The following LOC128092252 variants were observed in gnomAD, a reference collection of about 807,000 sequenced individuals.
At chr15:50,662,630 A>G in the LOC128092252 span, among the ~76,000 whole-genome samples, 2 of 152,232 alleles carry the variant, frequency 1.3e-5, no homozygotes, top group African/African-American at 4.8e-5. Flanking sequence ...ACACAAATTT[A>G]AGTTCCCAAT....
chr15:50,684,362 C>G, the LOC128092252 span, among the ~76,000 whole-genome samples: 1 of 152,072 alleles, frequency 6.6e-6, no homozygotes, highest in Non-Finnish European at 1.5e-5. Context: ...AGAGTAGAAG[C>G]TGGGCAAAGT....
chr15:50,686,307 T>G, the LOC128092252 span, among the ~76,000 whole-genome samples: 1 of 152,102 alleles, frequency 6.6e-6, no homozygotes, highest in Non-Finnish European at 1.5e-5. Flanking sequence ...GCTCAGGGGA[T>G]TCCCGCGAAG....
chr15:50,652,328 C>CAAAAAAAAAAAAAAAAAAAAAAAAAAAAA, the LOC128092252 span, among the ~76,000 whole-genome samples: 1 of 34,230 alleles, frequency 2.9e-5, no homozygotes, highest in Non-Finnish European at 4.7e-5. Flanking sequence ...GACTCCATCT[C>CAAAAAAAAAAAAAAAAAAAAAAAAAAAAA]AAAAAAAAAA....
At chr15:50,686,614 G>T in the LOC128092252 span, 1 of 1,568,878 alleles carries the variant, frequency 6.4e-7, no homozygotes, top group Non-Finnish European at 8.6e-7. Context: ...ATCGGGAAGC[G>T]TCTCCGGAGG....
At chr15:50,664,981 T>C in the LOC128092252 span, among the ~76,000 whole-genome samples, 2,238 of 152,096 alleles carry the variant, frequency 0.015, 21 homozygotes, top group Non-Finnish European at 0.022. Context: ...AAATAAATAA[T>C]CAGCAGAAAT....
chr15:50,651,425 C>A, the LOC128092252 span, among the ~76,000 whole-genome samples: 1 of 151,014 alleles, frequency 6.6e-6, no homozygotes, highest in Admixed American at 6.6e-5. Context: ...GCGGGTGGAT[C>A]ACGAGGTCAG....
the LOC128092252 span, among the ~76,000 whole-genome samples, chr15:50,684,125 T>C: frequency 6.6e-6 from 1 of 151,522 alleles, no homozygotes; most frequent in East Asian, 1.9e-4. Context: ...TCCCAAAGTA[T>C]GGGGATTACT....
chr15:50,657,288 C>T, the LOC128092252 span, among the ~76,000 whole-genome samples: 1 of 152,154 alleles, frequency 6.6e-6, no homozygotes, highest in African/African-American at 2.4e-5. Flanking sequence ...TGTGCCACTG[C>T]ACTCCAGCCT....
At chr15:50,653,717 T>C in the LOC128092252 span, among the ~76,000 whole-genome samples, 1 of 152,070 alleles carries the variant, frequency 6.6e-6, no homozygotes, top group Non-Finnish European at 1.5e-5. Flanking sequence ...TTGGAATTTG[T>C]AGCAGAGTTA....
chr15:50,677,667 G>A, the LOC128092252 span, among the ~76,000 whole-genome samples: 1 of 147,876 alleles, frequency 6.8e-6, no homozygotes, highest in African/African-American at 2.5e-5. Context: ...TGAATCTGGG[G>A]GACAGAGCTT....
chr15:50,678,562 A>G, the LOC128092252 span, among the ~76,000 whole-genome samples: 2 of 149,956 alleles, frequency 1.3e-5, no homozygotes, highest in South Asian at 2.1e-4. Flanking sequence ...ACACATATAC[A>G]TAATTTTATT....
At chr15:50,653,622 T>C in the LOC128092252 span, among the ~76,000 whole-genome samples, 2 of 152,146 alleles carry the variant, frequency 1.3e-5, no homozygotes, top group African/African-American at 4.8e-5. Context: ...AATTTCTCAA[T>C]CATAGAGATG....
the LOC128092252 span, among the ~76,000 whole-genome samples, chr15:50,682,139 C>T: frequency 7.6e-5 from 9 of 118,202 alleles, no homozygotes; most frequent in Non-Finnish European, 1.4e-4. Flanking sequence ...CATCGCGCCA[C>T]CGCAAGCCTG....
the LOC128092252 span, among the ~76,000 whole-genome samples, chr15:50,679,518 A>ATGTG: frequency 3.5e-4 from 6 of 17,366 alleles, no homozygotes; most frequent in African/African-American, 6.7e-4. Flanking sequence ...TATAATATAT[A>ATGTG]TATATATATA....
chr15:50,683,135 G>A, the LOC128092252 span, among the ~76,000 whole-genome samples: 2,990 of 151,164 alleles, frequency 0.02, 118 homozygotes, highest in African/African-American at 0.07. Context: ...GGATCCACCC[G>A]CCTCAGTCTC....
chr15:50,661,096 C>T, the LOC128092252 span, among the ~76,000 whole-genome samples: 13 of 152,064 alleles, frequency 8.5e-5, no homozygotes, highest in Admixed American at 7.9e-4. Context: ...CCTGCCTTAG[C>T]CTCCCAAGTA....
At chr15:50,652,092 G>A in the LOC128092252 span, among the ~76,000 whole-genome samples, 2 of 151,608 alleles carry the variant, frequency 1.3e-5, no homozygotes, top group Non-Finnish European at 2.9e-5. Flanking sequence ...CAGCACTTCA[G>A]GGGGCCGAGG....
chr15:50,659,234 A>G, the LOC128092252 span, among the ~76,000 whole-genome samples: 51 of 152,016 alleles, frequency 3.4e-4, no homozygotes, highest in Non-Finnish European at 6.5e-4. Flanking sequence ...GATCGCCAAG[A>G]TAAGTTACAG....
the LOC128092252 span, among the ~76,000 whole-genome samples, chr15:50,664,226 A>T: frequency 1.4e-5 from 2 of 146,598 alleles, no homozygotes; most frequent in Non-Finnish European, 3.0e-5. Context: ...TGAACCAGGG[A>T]GTGAACCAGG....
Sources: gnomAD v4.1 joint callset for allele counts (sites outside exome capture counted in the v4.1 genomes callset) on GRCh38, gnomAD v4.1.1 for gene constraint, MANE v1.5 for transcripts.